The following CNTN1 variants were observed in gnomAD, a reference collection of about 807,000 sequenced individuals.
The protein encoded by CNTN1 is contactin-1.
Under a neutral mutation model 126.4 loss-of-function variants are expected in CNTN1, and 38 were observed. The ratio of observed to expected loss-of-function variants is 0.30; its 90% CI spans 0.23 to 0.39. The LOEUF (loss-of-function observed/expected upper bound fraction) is 0.39. Among genes scored for constraint, CNTN1 ranks in the 10% least tolerant of loss-of-function variants. The pLI, the probability that CNTN1 is intolerant of heterozygous loss-of-function variation, is 1.00. For missense variants in CNTN1, 1,009 were observed against 1,248.4 expected (o/e 0.81, Z 2.89); for synonymous variants, 413 against 422.6 (o/e 0.98, Z 0.28).
intron 1 of CNTN1, among the ~76,000 whole-genome samples, chr12:40,905,275 C>A (rs1471706024): frequency 6.6e-6 from 1 of 152,090 alleles, no homozygotes; most frequent in Non-Finnish European, 1.5e-5. Flanking sequence ...TTTTTTTAGG[C>A]CTATCCCACT....
chr12:40,937,001 A>T (rs1946104665), intron 10 of CNTN1, 96 bp downstream of exon 10: 1 of 1,483,884 alleles, frequency 6.7e-7, no homozygotes, highest in Admixed American at 1.7e-5. Flanking sequence ...GACAATACAG[A>T]AAGGGCACTT....
At chr12:41,022,377 A>C (rs2120794952) in intron 20 of CNTN1, among the ~76,000 whole-genome samples, 1 of 152,282 alleles carries the variant, frequency 6.6e-6, no homozygotes, top group East Asian at 1.9e-4. Flanking sequence ...ATTAAGTAAA[A>C]ACTTATGCAC....
intron 23 of CNTN1, among the ~76,000 whole-genome samples, chr12:41,032,894 G>A (rs1373315338): frequency 1.3e-5 from 2 of 152,100 alleles, no homozygotes; most frequent in African/African-American, 4.8e-5. Context: ...GGACTATCTG[G>A]CATGTAGCAG....
chr12:40,908,356 G>T lies in CNTN1; in HGVS notation c.-76-1G>T. 1.0e-6 allele frequency: 1 copy of T among 987,022 alleles called. No individual in the cohort carries two copies. The allele number at this position is 987,022 out of a possible 1,614,324, so 61.1% of individuals were successfully genotyped here. ...TCTTCTTCTTTTCTTTCTTGATGCA[G>T]GTGTTTAAAATTATCCAACTGCCAT... On this transcript the variant is annotated splice_acceptor_variant, in intron 1 of 23. Coordinates refer to ENST00000551295, the MANE Select transcript of CNTN1 (RefSeq NM_001843.4). LOFTEE classifies it low-confidence loss of function (5UTR_SPLICE).
intron 1 of CNTN1, among the ~76,000 whole-genome samples, chr12:40,800,770 G>A (rs1303756411): frequency 2.0e-5 from 3 of 152,020 alleles, no homozygotes; most frequent in East Asian, 3.9e-4. Flanking sequence ...CATTCTCAAA[G>A]AGCTGAGGAG....
At chr12:40,996,656 C>T (rs1948225644) in intron 17 of CNTN1, among the ~76,000 whole-genome samples, 1 of 152,010 alleles carries the variant, frequency 6.6e-6, no homozygotes, top group Non-Finnish European at 1.5e-5. Flanking sequence ...CAATACATTT[C>T]CAATTTTTAT....
At chr12:40,935,161 A>G (rs1565984415) in intron 9 of CNTN1, among the ~76,000 whole-genome samples, 1 of 152,014 alleles carries the variant, frequency 6.6e-6, no homozygotes, top group African/African-American at 2.4e-5. Context: ...TCAGACTCGT[A>G]TGTCCAATGC....
intron 1 of CNTN1, among the ~76,000 whole-genome samples, chr12:40,695,620 GCTC>G (rs1187118474): frequency 3.3e-5 from 5 of 152,154 alleles, no homozygotes; most frequent in African/African-American, 1.2e-4. Flanking sequence ...TCACCAGTAA[GCTC>G]CTCCTCAATT....
chr12:40,801,958 C>CA (rs548622499), intron 1 of CNTN1, among the ~76,000 whole-genome samples: 39 of 140,948 alleles, frequency 2.8e-4, no homozygotes, highest in African/African-American at 7.3e-4. Flanking sequence ...CAATGAAGAT[C>CA]AAAAAAAAAA....
rs1369599932 is a variant in CNTN1, at chr12:40,939,461, C to G, written c.1355C>G (p.Thr452Arg). The G allele has an allele frequency of 6.2e-7, 1 of 1,613,884 alleles. No homozygotes were observed. The highest frequency in any genetic ancestry group is 8.5e-7 in the Non-Finnish European group (1 of 1,179,912). The change falls in exon 12 of 24, where the codon ACA becomes AGA. Residue 452 changes from threonine (T) to arginine (R), a missense_variant. Physicochemically the swap from Thr to Arg is moderately conservative, Grantham distance 71 (BLOSUM62 -1). Coordinates refer to ENST00000551295, the MANE Select transcript of CNTN1 (RefSeq NM_001843.4). ...PKPKFSWSKG[T>R]EWLVNSSRIL... ...CCAAAGTTTTCATGGAGTAAAGGGA[C>G]AGAGTGGCTTGTCAATAGCAGCAGG... is the stretch of plus-strand genomic sequence containing the variant.
chr12:40,793,307 T>C (rs529868833), intron 1 of CNTN1, among the ~76,000 whole-genome samples: 1 of 152,226 alleles, frequency 6.6e-6, no homozygotes, highest in East Asian at 1.9e-4. Flanking sequence ...TCCCACACTT[T>C]ATGCATAGTT....
chr12:40,757,772 A>G (rs1454959134), intron 1 of CNTN1, among the ~76,000 whole-genome samples: 1 of 152,192 alleles, frequency 6.6e-6, no homozygotes, highest in Non-Finnish European at 1.5e-5. Flanking sequence ...ATTGGTAAGA[A>G]AAAAATAAAA....
intron 16 of CNTN1, among the ~76,000 whole-genome samples, chr12:40,982,561 T>C (rs1366819707): frequency 6.6e-6 from 1 of 152,126 alleles, no homozygotes; most frequent in Non-Finnish European, 1.5e-5. Flanking sequence ...GTAAAAACTG[T>C]TTTATTCACT....
chr12:40,830,330 T>G (rs1941766492), intron 1 of CNTN1, among the ~76,000 whole-genome samples: 1 of 152,058 alleles, frequency 6.6e-6, no homozygotes, highest in Non-Finnish European at 1.5e-5. Context: ...GTTTGGTATA[T>G]ATGAGGCACC....
intron 14 of CNTN1, among the ~76,000 whole-genome samples, chr12:40,950,482 G>A (rs1946633392): frequency 6.6e-6 from 1 of 152,238 alleles, no homozygotes; most frequent in South Asian, 2.1e-4. Flanking sequence ...ATTTTGATGA[G>A]CAGTGGAAAA....
chr12:40,822,954 C>T (rs73116796), intron 1 of CNTN1, among the ~76,000 whole-genome samples: 3,407 of 152,126 alleles, frequency 0.022, 121 homozygotes, highest in African/African-American at 0.078. Flanking sequence ...TTTATGTCCA[C>T]GTGTACCCAA....
intron 1 of CNTN1, among the ~76,000 whole-genome samples, chr12:40,769,965 C>T (rs1325266562): frequency 1.3e-5 from 2 of 152,032 alleles, no homozygotes; most frequent in East Asian, 3.9e-4. Context: ...GACCTAAGGG[C>T]CTATGAACTC....
At chr12:41,043,694 G>A (rs1949474396) in intron 23 of CNTN1, among the ~76,000 whole-genome samples, 1 of 152,050 alleles carries the variant, frequency 6.6e-6, no homozygotes, top group Admixed American at 6.6e-5. Context: ...AAAGACACAT[G>A]CACACGTATG....
At chr12:41,034,457 A>G (rs1949212632) in intron 23 of CNTN1, among the ~76,000 whole-genome samples, 2 of 152,082 alleles carry the variant, frequency 1.3e-5, no homozygotes, top group Non-Finnish European at 2.9e-5. Context: ...TCCCTTCTCC[A>G]TTTCCTAAGT....
Sources: allele counts gnomAD v4.1 joint callset (sites outside exome capture counted in the v4.1 genomes callset), GRCh38; gene constraint gnomAD v4.1.1; transcripts MANE v1.5; gene names NCBI Gene and HGNC (gene_info 2026-07-23, HGNC 2026-07-21).